ARHGAP15: variants seen among roughly 807,000 people sequenced by gnomAD.
ARHGAP15 encodes rho GTPase-activating protein 15.
Under a neutral mutation model 63.7 loss-of-function variants are expected in ARHGAP15, and 51 were observed. The ratio of observed to expected loss-of-function variants is 0.80; its 90% CI spans 0.64 to 1.01. The LOEUF is 1.01. Ranked by LOEUF, ARHGAP15 falls within the 50% of genes least tolerant of loss-of-function variation. The pLI is 0.00. For missense variants in ARHGAP15, 560 were observed against 564.6 expected (o/e 0.99, Z 0.08); for synonymous variants, 191 against 193.8 (o/e 0.99, Z 0.12).
At chr2:143,317,182 C>T (rs892413129) in intron 6 of ARHGAP15, among the ~76,000 whole-genome samples, 85 of 152,120 alleles carry the variant, frequency 5.6e-4, no homozygotes, top group Admixed American at 2.6e-3. Context: ...AGAAAATAGA[C>T]ACTTTGTCTT....
At chr2:143,240,208 A>G (rs1693815647) in intron 5 of ARHGAP15, among the ~76,000 whole-genome samples, 1 of 151,540 alleles carries the variant, frequency 6.6e-6, no homozygotes, top group Non-Finnish European at 1.5e-5. Context: ...ATAAAATAAA[A>G]TAAATAATAA....
chr2:143,739,038 G>A lies in ARHGAP15; in HGVS notation c.1245-28951G>A, dbSNP rs188745689. 4.1e-3 allele frequency among the ~76,000 whole-genome samples: 622 copies of A among 152,274 alleles called. 2 individuals carry two copies. Among genetic ancestry groups the A allele is most frequent in the Non-Finnish European group, 7.3e-3 (495 of 68,018 alleles). ...AAGGAATAATGTGTCCTATTATGGA[G>A]CTGAGATTTTACCTTATGGACAATA... On this transcript the variant is annotated intron_variant, in intron 13 of 13. Transcript: ENST00000295095.
At chr2:143,286,181 G>A (rs369330944) in intron 6 of ARHGAP15, among the ~76,000 whole-genome samples, 1 of 152,144 alleles carries the variant, frequency 6.6e-6, no homozygotes, top group Non-Finnish European at 1.5e-5. Flanking sequence ...GTGAAAAGTG[G>A]TGTTATTGTA....
chr2:143,393,833 C>T (rs1176811315), intron 6 of ARHGAP15, among the ~76,000 whole-genome samples: 2 of 150,796 alleles, frequency 1.3e-5, no homozygotes, highest in Non-Finnish European at 3.0e-5. Flanking sequence ...AACAGAAACA[C>T]TTCAAATTGC....
In ARHGAP15 at chr2:143,298,170, G is replaced by A. The variant is rs138381130; in HGVS notation, c.474+47570G>A. 2.5e-3 allele frequency among the ~76,000 whole-genome samples: 378 copies of A among 151,668 alleles called. 3 individuals carry two copies. Among genetic ancestry groups the A allele is most frequent in the African/African-American group, 8.4e-3 (346 of 41,354 alleles). ...GATTTGTTCCCTATCACTTCTCTTC[G>A]GGCTCTAAATCACATCAAGTTCTCA... On this transcript the variant is annotated intron_variant, in intron 6 of 13. Coordinates refer to ENST00000295095, the MANE Select transcript of ARHGAP15 (RefSeq NM_018460.4).
chr2:143,504,177 G>A (rs1693199044), intron 9 of ARHGAP15, among the ~76,000 whole-genome samples: 1 of 152,132 alleles, frequency 6.6e-6, no homozygotes, highest in African/African-American at 2.4e-5. Flanking sequence ...AAGTGTCTGT[G>A]GCAAGTGTTT....
chr2:143,229,734 T>C (rs1208407707), intron 5 of ARHGAP15, among the ~76,000 whole-genome samples: 1 of 152,194 alleles, frequency 6.6e-6, no homozygotes. Context: ...CAGCCACTAG[T>C]TGTGTTTGCT....
intron 9 of ARHGAP15, among the ~76,000 whole-genome samples, chr2:143,504,954 C>T (rs1339630118): frequency 6.6e-6 from 1 of 152,182 alleles, no homozygotes; most frequent in Non-Finnish European, 1.5e-5. Flanking sequence ...TTCTCCTCCC[C>T]ACCCTGCCTG....
chr2:143,429,884 AT>A (rs1311454327), intron 6 of ARHGAP15, among the ~76,000 whole-genome samples: 2 of 152,188 alleles, frequency 1.3e-5, no homozygotes, highest in Admixed American at 1.3e-4. Context: ...GCAGTCTATC[AT>A]TTAAATTACT....
At chr2:143,159,119 G>A (rs1320368076) in intron 2 of ARHGAP15, among the ~76,000 whole-genome samples, 1 of 151,804 alleles carries the variant, frequency 6.6e-6, no homozygotes, top group Non-Finnish European at 1.5e-5. Context: ...CTTCATTCAT[G>A]GCCATCATGA....
intron 13 of ARHGAP15, among the ~76,000 whole-genome samples, chr2:143,705,753 T>C (rs1165813761): frequency 6.6e-6 from 1 of 152,146 alleles, no homozygotes; most frequent in Non-Finnish European, 1.5e-5. Context: ...AAGAAATAGC[T>C]ATAAAATAAA....
intron 1 of ARHGAP15, among the ~76,000 whole-genome samples, chr2:143,144,750 C>A (rs1207414369): frequency 6.6e-6 from 1 of 151,978 alleles, no homozygotes; most frequent in Admixed American, 6.6e-5. Context: ...ACCCCTACCC[C>A]TCACCAGCAT....
At chr2:143,303,379 A>AT (rs1390160393) in intron 6 of ARHGAP15, among the ~76,000 whole-genome samples, 1 of 152,076 alleles carries the variant, frequency 6.6e-6, no homozygotes. Context: ...TAAGACATTT[A>AT]TGTGGCCAAA....
intron 2 of ARHGAP15, among the ~76,000 whole-genome samples, chr2:143,200,140 G>A (rs1692051896): frequency 6.6e-6 from 1 of 152,082 alleles, no homozygotes; most frequent in African/African-American, 2.4e-5. Flanking sequence ...TCAAAGTCAA[G>A]ACAGTCCCCG....
intron 10 of ARHGAP15, among the ~76,000 whole-genome samples, chr2:143,555,553 C>A (rs183367773): frequency 1.4e-3 from 217 of 152,094 alleles, no homozygotes; most frequent in Admixed American, 0.013. Context: ...TCATTGTCCT[C>A]GTAACGTGGC....
At chr2:143,344,579 A>G (rs1410279352) in intron 6 of ARHGAP15, among the ~76,000 whole-genome samples, 1 of 152,178 alleles carries the variant, frequency 6.6e-6, no homozygotes, top group African/African-American at 2.4e-5. Flanking sequence ...TAATGAAATG[A>G]TATTTTGTGA....
At chr2:143,490,833 G>T (rs1692554121) in intron 9 of ARHGAP15, among the ~76,000 whole-genome samples, 1 of 151,996 alleles carries the variant, frequency 6.6e-6, no homozygotes, top group Non-Finnish European at 1.5e-5. Flanking sequence ...TTGCCATGTT[G>T]GCCAGGCTGG....
chr2:143,616,875 T>C (rs1698470998), intron 11 of ARHGAP15, among the ~76,000 whole-genome samples: 1 of 152,220 alleles, frequency 6.6e-6, no homozygotes, highest in African/African-American at 2.4e-5. Flanking sequence ...ATCATGACCA[T>C]AGACAGTTGA....
intron 6 of ARHGAP15, among the ~76,000 whole-genome samples, chr2:143,256,002 G>A (rs1237831893): frequency 6.6e-6 from 1 of 152,096 alleles, no homozygotes; most frequent in African/African-American, 2.4e-5. Flanking sequence ...CTGGGGATGT[G>A]TGTTCCAATT....
Sources: allele counts gnomAD v4.1 joint callset (sites outside exome capture counted in the v4.1 genomes callset), GRCh38; gene constraint gnomAD v4.1.1; transcripts MANE v1.5; gene names NCBI Gene and HGNC (gene_info 2026-07-23, HGNC 2026-07-21).